Variants in PPP4R1 observed in about 807,000 individuals in gnomAD.
The protein encoded by PPP4R1 is serine/threonine-protein phosphatase 4 regulatory subunit 1.
Under a neutral mutation model 111.2 loss-of-function variants are expected in PPP4R1, and 42 were observed. The observed-to-expected ratio is 0.38, with a 90% confidence interval of 0.29 to 0.49. The LOEUF (loss-of-function observed/expected upper bound fraction) is 0.49, where lower values mean the gene tolerates loss of function less well. PPP4R1 is among the 20% of genes least tolerant of loss of function. The pLI, the probability that PPP4R1 is intolerant of heterozygous loss-of-function variation, is 0.97. For missense variants in PPP4R1, 1,012 were observed against 1,161.6 expected (o/e 0.87, Z 1.87); for synonymous variants, 409 against 405.5 (o/e 1.01, Z -0.10).
chr18:9,563,177 C>T (rs1355479049), intron 12 of PPP4R1: 2 of 1,214,492 alleles, frequency 1.6e-6, no homozygotes, highest in Non-Finnish European at 2.1e-6. Context: ...GTGGGATTTA[C>T]TTTTCCAGGC....
rs766814981 is a variant in PPP4R1, at chr18:9,570,372, T to C, written c.1358A>G (p.Tyr453Cys). 4 of 1,613,538 alleles carry C rather than the reference T, an allele frequency of 2.5e-6. No homozygotes were observed. Among genetic ancestry groups the C allele is most frequent in the East Asian group, 2.2e-5 (1 of 44,890 alleles). ...AGTCCTCCAGAAATGGAAGGAGTTA[T>C]ACAATTCCTGATCTAAGAGAGCTGA... ...QDSALLDQEL[Y>C]NSFHFWRTPL... Residue 453 changes from tyrosine (Y) to cysteine (C), a missense_variant, in exon 11 of 20, where the codon TAT becomes TGT. Physicochemically the swap from Tyr to Cys is radical, Grantham distance 194. This residue lies in a region of PPP4R1 where 707 missense variants were observed against 742.1 expected (regional missense o/e 0.95). Coordinates refer to ENST00000400556, the MANE Select transcript of PPP4R1 (RefSeq NM_001042388.3).
rs141963982 is a variant in PPP4R1 at position 9,610,620 on chromosome 18, G to T, written c.52+3606C>A. On this transcript the variant is annotated intron_variant, in intron 2 of 19. Transcript: ENST00000400556. Reference sequence around the variant, plus strand: ...TGCGACTACAGGTGCACGCCACCACGCCCAGTTAATTTTTTTTTGTATTTC... The same window carrying T: ...TGCGACTACAGGTGCACGCCACCACTCCCAGTTAATTTTTTTTTGTATTTC... Among the ~76,000 whole-genome samples the T allele has an allele frequency of 1.4e-5, 2 of 146,078 alleles. 1 individual carries two copies. The highest frequency in any genetic ancestry group is 5.0e-5 in the African/African-American group (2 of 39,686).
chr18:9,584,632 C>G, intron 7 of PPP4R1, 52 bp from the exon 8 acceptor site: 1 of 1,603,700 alleles, frequency 6.2e-7, no homozygotes, highest in Non-Finnish European at 8.5e-7. Context: ...TAAGGTTCTT[C>G]TAAGATAATC....
At chr18:9,613,014 A>G (rs2067608825) in intron 2 of PPP4R1, among the ~76,000 whole-genome samples, 1 of 152,262 alleles carries the variant, frequency 6.6e-6, no homozygotes, top group African/African-American at 2.4e-5. Context: ...GAACCACATT[A>G]GACAATGCTA....
At chr18:9,570,010 A>G in intron 11 of PPP4R1, 147 bp downstream of exon 11, 1 of 818,964 alleles carries the variant, frequency 1.2e-6, no homozygotes, top group South Asian at 3.5e-5. Flanking sequence ...TCAACCTCTC[A>G]AAGTGCTGGT....
Position 9,577,248 on chromosome 18 carries a change from G to A in PPP4R1, c.919-57C>T, listed in dbSNP as rs888081112. ...ATCATTTTGAAAAAGAATTATATAC[G>A]CACACATTATGTATATTTAATAATC... On this transcript the variant is annotated intron_variant, in intron 9 of 19. Transcript: ENST00000400556. The A allele has an allele frequency of 1.7e-4, 255 of 1,470,020 alleles. No individual in the cohort carries two copies. The East Asian group carries it at 4.5e-3, about 26-fold the overall frequency. The allele number at this position is 1,470,020 out of a possible 1,614,324, so 91.1% of individuals were successfully genotyped here.
At chr18:9,614,626 G>GGCCGA (rs1440680918), upstream of PPP4R1, 5 of 310,282 alleles carry the variant, frequency 1.6e-5, no homozygotes, top group Non-Finnish European at 2.3e-5. The surrounding 1 kb of genome is among the most constrained non-coding windows in gnomAD (Gnocchi z 4.1). Context: ...GCGCGGGGCG[G>GGCCGA]GCCGAGGGCC....
At chr18:9,572,431 TGAG>T (rs1442189695) in intron 10 of PPP4R1, among the ~76,000 whole-genome samples, 1 of 152,194 alleles carries the variant, frequency 6.6e-6, no homozygotes, top group Non-Finnish European at 1.5e-5. Context: ...AATGTCTTTC[TGAG>T]AAGAGGAAAG....
intron 3 of PPP4R1, chr18:9,594,082 C>T: frequency 2.2e-6 from 1 of 449,184 alleles, no homozygotes; most frequent in South Asian, 2.7e-5. Context: ...CATGCACCAC[C>T]ACACCTGGCT....
intron 10 of PPP4R1, among the ~76,000 whole-genome samples, chr18:9,575,803 A>G (rs533944298): frequency 1.4e-5 from 2 of 142,354 alleles, no homozygotes; most frequent in African/African-American, 5.2e-5. Flanking sequence ...GAAACAGAAG[A>G]AAGTTTACCA....
At chr18:9,558,501 G>A (rs1015893270) in intron 14 of PPP4R1, among the ~76,000 whole-genome samples, 1 of 152,108 alleles carries the variant, frequency 6.6e-6, no homozygotes, top group African/African-American at 2.4e-5. Context: ...CTTCTTCTGG[G>A]TCCTGGTTAA....
Position 9,583,128 on chromosome 18 carries a change from G to A in PPP4R1, c.907C>T (p.Pro303Ser), listed in dbSNP as rs2067057672. 1 of 1,607,914 alleles carries A rather than the reference G, an allele frequency of 6.2e-7. No individual in the cohort carries two copies. Among genetic ancestry groups the A allele is most frequent in the Admixed American group, 1.7e-5 (1 of 59,738 alleles). Residue 303 changes from proline (P) to serine (S), a missense_variant, in exon 9 of 20, where the codon CCT becomes TCT. Physicochemically the swap from Pro to Ser is moderately conservative, Grantham distance 74. This residue lies in a region of PPP4R1 where 707 missense variants were observed against 742.1 expected (regional missense o/e 0.95). Coordinates refer to ENST00000400556, the MANE Select transcript of PPP4R1 (RefSeq NM_001042388.3). ...AATCAAAACCCTACCCAACGTGAAG[G>A]ATCACTGATCAAATTAATAAAAAGT... Reference protein sequence around the residue: ...SALFINLISDPSRWVRQAAFQ... With the variant: ...SALFINLISDSSRWVRQAAFQ...
chr18:9,608,180 A>G (rs1424198735), intron 2 of PPP4R1, among the ~76,000 whole-genome samples: 1 of 152,254 alleles, frequency 6.6e-6, no homozygotes, highest in Non-Finnish European at 1.5e-5. Context: ...GTGAATGTTC[A>G]TAGCAGCTTT....
chr18:9,554,701 T>C (rs895823671), intron 15 of PPP4R1, among the ~76,000 whole-genome samples: 1 of 152,228 alleles, frequency 6.6e-6, no homozygotes, highest in African/African-American at 2.4e-5. Context: ...CTAAGGACCA[T>C]TCTCCACTAA....
chr18:9,560,046 C>T (rs1017684616), intron 13 of PPP4R1, among the ~76,000 whole-genome samples: 1 of 150,818 alleles, frequency 6.6e-6, no homozygotes, highest in Non-Finnish European at 1.5e-5. Flanking sequence ...GTAGTCCCAG[C>T]ACTTTGAGAA....
chr18:9,600,326 A>G (rs1407720454), intron 2 of PPP4R1, among the ~76,000 whole-genome samples: 1 of 152,110 alleles, frequency 6.6e-6, no homozygotes, highest in East Asian at 1.9e-4. Flanking sequence ...CCCAAAATAA[A>G]GTCTGGAAAG....
intron 10 of PPP4R1, among the ~76,000 whole-genome samples, chr18:9,571,869 T>C (rs186089584): frequency 5.9e-5 from 9 of 152,272 alleles, no homozygotes; most frequent in Admixed American, 3.9e-4. Context: ...CAGGAAATCA[T>C]GTAGTAAGGA....
At chr18:9,554,096 C>T (rs948206881) in intron 15 of PPP4R1, among the ~76,000 whole-genome samples, 9 of 150,882 alleles carry the variant, frequency 6.0e-5, no homozygotes, top group African/African-American at 2.2e-4. Flanking sequence ...GAAACTATTT[C>T]ATTTATGTTG....
intron 11 of PPP4R1, among the ~76,000 whole-genome samples, chr18:9,566,193 G>A (rs1241069388): frequency 1.3e-5 from 2 of 151,876 alleles, no homozygotes; most frequent in African/African-American, 4.8e-5. Context: ...TTACAGGCGT[G>A]AGCCACCTCG....
Sources: allele counts gnomAD v4.1 joint callset (sites outside exome capture counted in the v4.1 genomes callset), GRCh38; gene constraint gnomAD v4.1.1; regional missense constraint gnomAD v4.1.1; non-coding constraint Gnocchi (gnomAD v3.1); transcripts MANE v1.5; gene names NCBI Gene and HGNC (gene_info 2026-07-23, HGNC 2026-07-21).